MAGI2: variants seen among roughly 807,000 people sequenced by gnomAD.
MAGI2 encodes membrane associated guanylate kinase, WW and PDZ domain containing 2.
In MAGI2, 35 loss-of-function variants were observed where a neutral mutation model predicts 133.3. The ratio of observed to expected loss-of-function variants is 0.26; its 90% CI spans 0.20 to 0.35. The LOEUF (loss-of-function observed/expected upper bound fraction) is 0.35. Among genes scored for constraint, MAGI2 ranks in the 10% least tolerant of loss-of-function variants. The pLI, the probability that MAGI2 is intolerant of heterozygous loss-of-function variation, is 1.00. For missense variants in MAGI2, 1,636 were observed against 1,863.4 expected (o/e 0.88, Z 2.25); for synonymous variants, 729 against 710.6 (o/e 1.03, Z -0.41).
intron 2 of MAGI2, among the ~76,000 whole-genome samples, chr7:78,853,881 G>A (rs1793391718): frequency 6.6e-6 from 1 of 151,902 alleles, no homozygotes; most frequent in African/African-American, 2.4e-5. Flanking sequence ...GTTGAGGATA[G>A]GCACCCTGCA....
At chr7:78,314,822 G>T (rs1584840372) in intron 9 of MAGI2, among the ~76,000 whole-genome samples, 1 of 152,140 alleles carries the variant, frequency 6.6e-6, no homozygotes. Context: ...AAAATTAGCT[G>T]ACCATACCTT....
intron 1 of MAGI2, among the ~76,000 whole-genome samples, chr7:79,168,276 C>T (rs1272962701): frequency 6.6e-6 from 1 of 152,020 alleles, no homozygotes; most frequent in Non-Finnish European, 1.5e-5. Context: ...CTGGTCTCGG[C>T]ACACCACCTA....
intron 2 of MAGI2, among the ~76,000 whole-genome samples, chr7:78,824,424 C>A (rs2151431676): frequency 1.3e-5 from 2 of 152,300 alleles, no homozygotes; most frequent in Middle Eastern, 6.8e-3. Flanking sequence ...TTCTCCATAG[C>A]CTCACCAACA....
At chr7:79,346,203 G>A (rs531356491) in intron 1 of MAGI2, among the ~76,000 whole-genome samples, 55 of 152,024 alleles carry the variant, frequency 3.6e-4, no homozygotes, top group African/African-American at 1.1e-3. Context: ...TTTCTTATGA[G>A]TCCTTCCTTC....
chr7:79,243,437 G>C (rs1048332340), intron 1 of MAGI2, among the ~76,000 whole-genome samples: 1 of 152,116 alleles, frequency 6.6e-6, no homozygotes, highest in African/African-American at 2.4e-5. Flanking sequence ...ATAGAGTGTG[G>C]GGATATTATA....
intron 1 of MAGI2, among the ~76,000 whole-genome samples, chr7:79,048,554 A>C (rs6978423): frequency 1.2e-3 from 188 of 152,184 alleles, no homozygotes; most frequent in African/African-American, 4.2e-3. Context: ...GACATAAATA[A>C]TGAGTAAATG....
chr7:78,448,372 G>A (rs990680078), intron 6 of MAGI2, among the ~76,000 whole-genome samples: 27 of 152,064 alleles, frequency 1.8e-4, no homozygotes, highest in African/African-American at 6.5e-4. Flanking sequence ...ATAATGGATA[G>A]ACTAATTTAC....
intron 2 of MAGI2, among the ~76,000 whole-genome samples, chr7:78,692,836 T>C (rs1817111534): frequency 6.6e-6 from 1 of 152,220 alleles, no homozygotes; most frequent in South Asian, 2.1e-4. Flanking sequence ...CAGTGCATAC[T>C]GGAATGCATA....
At chr7:78,243,614 C>T (rs1488608787) in intron 10 of MAGI2, among the ~76,000 whole-genome samples, 1 of 151,920 alleles carries the variant, frequency 6.6e-6, no homozygotes, top group Non-Finnish European at 1.5e-5. Flanking sequence ...TCTGAATTCT[C>T]TTTGAATGTA....
At chr7:78,076,852 CAAAAAAAAAA>C (rs1242148618) in intron 21 of MAGI2, among the ~76,000 whole-genome samples, 4 of 42,550 alleles carry the variant, frequency 9.4e-5, no homozygotes, top group Non-Finnish European at 1.7e-4. Flanking sequence ...GACTCCGTCT[CAAAAAAAAAA>C]AAAAAAAAAA....
intron 3 of MAGI2, among the ~76,000 whole-genome samples, chr7:78,607,545 T>C (rs903070383): frequency 3.3e-5 from 5 of 151,206 alleles, no homozygotes. Context: ...CTGCATTGTA[T>C]TGAGAGGAAT....
intron 1 of MAGI2, among the ~76,000 whole-genome samples, chr7:79,270,746 T>C (rs1034894473): frequency 2.6e-4 from 40 of 151,772 alleles, no homozygotes; most frequent in Admixed American, 6.6e-5. Context: ...TTAGTTATTT[T>C]TTTTTAACTA....
At chr7:78,032,009 C>CTTT (rs377672697) in intron 21 of MAGI2, among the ~76,000 whole-genome samples, 10,533 of 123,970 alleles carry the variant, frequency 0.085, 598 homozygotes, top group Non-Finnish European at 0.13. Flanking sequence ...AGCCCCCCCA[C>CTTT]TTTTTTTTTT....
chr7:78,209,418 C>T (rs1339732231), intron 10 of MAGI2, among the ~76,000 whole-genome samples: 25 of 150,230 alleles, frequency 1.7e-4, no homozygotes, highest in East Asian at 4.1e-4. Flanking sequence ...TGCACCATCA[C>T]GCCCCACTAA....
intron 1 of MAGI2, among the ~76,000 whole-genome samples, chr7:79,081,157 A>G (rs1048668920): frequency 6.6e-6 from 1 of 151,994 alleles, no homozygotes. Context: ...TTATGTATCA[A>G]TCTCCTTCTA....
At chr7:78,437,946 GAATGTCAAATGAAGTAATAA>G (rs1432655724) in intron 6 of MAGI2, among the ~76,000 whole-genome samples, 1 of 152,110 alleles carries the variant, frequency 6.6e-6, no homozygotes, top group African/African-American at 2.4e-5. Context: ...AGAAGTTTCA[GAATGTCAAATGAAGTAATAA>G]AATGCCAAAA....
intron 6 of MAGI2, among the ~76,000 whole-genome samples, chr7:78,445,633 C>T (rs973506933): frequency 6.6e-6 from 1 of 152,002 alleles, no homozygotes; most frequent in Non-Finnish European, 1.5e-5. Flanking sequence ...ACTTATTCCT[C>T]CTGAAACGCA....
intron 6 of MAGI2, among the ~76,000 whole-genome samples, chr7:78,466,057 C>G (rs908095581): frequency 1.3e-5 from 2 of 152,194 alleles, no homozygotes; most frequent in African/African-American, 4.8e-5. Flanking sequence ...ACCACTTGCT[C>G]TTAACATCCT....
chr7:78,994,010 G>A (rs757320507), intron 2 of MAGI2, among the ~76,000 whole-genome samples: 1 of 152,052 alleles, frequency 6.6e-6, no homozygotes, highest in Non-Finnish European at 1.5e-5. Flanking sequence ...CAGGGAGGAA[G>A]CTGGAAGGTC....
Sources: allele counts gnomAD v4.1 joint callset (sites outside exome capture counted in the v4.1 genomes callset), GRCh38; gene constraint gnomAD v4.1.1; transcripts MANE v1.5; gene names NCBI Gene and HGNC (gene_info 2026-07-23, HGNC 2026-07-21).